Variants in TRPC4AP observed in about 807,000 individuals in gnomAD.
TRPC4AP encodes the protein transient receptor potential cation channel subfamily C member 4 associated protein.
TRPC4AP carries 45 observed loss-of-function variants against 99.0 expected under a neutral mutation model. The ratio of observed to expected loss-of-function variants is 0.45; its 90% confidence interval spans 0.36 to 0.58. The LOEUF (loss-of-function observed/expected upper bound fraction) is 0.58. Ranked by LOEUF, TRPC4AP falls within the 20% of genes least tolerant of loss-of-function variation. The probability of loss-of-function intolerance (pLI) is 0.00; values close to 1 mark genes in which losing one functional copy is unlikely to be tolerated. For missense variants in TRPC4AP, 879 were observed against 985.3 expected (o/e 0.89, Z 1.44); for synonymous variants, 408 against 385.8 (o/e 1.06, Z -0.67).
intron 10 of TRPC4AP, among the ~76,000 whole-genome samples, chr20:35,014,750 C>T (rs888768394): frequency 1.2e-4 from 19 of 152,164 alleles, no homozygotes; most frequent in Admixed American, 8.5e-4. Flanking sequence ...GGCACCAGGC[C>T]GATGGCTGGG....
At chr20:35,050,538 AAC>A (rs936593410) in intron 5 of TRPC4AP, among the ~76,000 whole-genome samples, 11 of 151,780 alleles carry the variant, frequency 7.2e-5, no homozygotes, top group African/African-American at 2.7e-4. Context: ...AACGTGCCAA[AAC>A]CCTGTCTACT....
chr20:35,027,934 TTTA>T (rs1446306803), intron 8 of TRPC4AP, among the ~76,000 whole-genome samples: 1 of 152,202 alleles, frequency 6.6e-6, no homozygotes, highest in Non-Finnish European at 1.5e-5. Flanking sequence ...TGTTGATCTT[TTTA>T]AAGATTACCT....
At chr20:35,070,317 T>A (rs2084273336) in intron 2 of TRPC4AP, among the ~76,000 whole-genome samples, 1 of 152,028 alleles carries the variant, frequency 6.6e-6, no homozygotes. Context: ...CTTCTTGATT[T>A]CCCCCAACCA....
intron 6 of TRPC4AP, among the ~76,000 whole-genome samples, chr20:35,045,795 C>T (rs754814225): frequency 6.6e-6 from 1 of 152,074 alleles, no homozygotes; most frequent in East Asian, 1.9e-4. Context: ...CCACCTTGGC[C>T]TCCCAAAGTG....
chr20:35,014,305 T>C (rs2082701775), intron 10 of TRPC4AP, among the ~76,000 whole-genome samples: 2 of 141,820 alleles, frequency 1.4e-5, no homozygotes. Context: ...CTAGAGGGCC[T>C]CAGGCAGAAT....
chr20:35,077,883 T>C (rs965320494), intron 2 of TRPC4AP, among the ~76,000 whole-genome samples, 163 bp downstream of exon 2: 1 of 152,146 alleles, frequency 6.6e-6, no homozygotes, highest in Non-Finnish European at 1.5e-5. Context: ...AGGTGATGTA[T>C]ATTTTCTTCT....
Position 35,044,483 on chromosome 20 carries a change from T to C in TRPC4AP, c.865+22A>G, listed in dbSNP as rs17092225. 13,302 of 1,605,954 alleles carry C rather than the reference T, an allele frequency of 8.3e-3. 918 individuals carry two copies. In the African/African-American group the frequency reaches 0.16, roughly 19 times the overall value. ...GGCCTCAGAGCTATAATCTCAAAAT[T>C]CTGAGAACTTGGAGACTTTACCTTG... On this transcript the variant is annotated intron_variant, in intron 7 of 18. Coordinates refer to ENST00000252015, the MANE Select transcript of TRPC4AP (RefSeq NM_015638.3).
intron 1 of TRPC4AP, among the ~76,000 whole-genome samples, chr20:35,082,288 T>C (rs2084667818): frequency 6.6e-6 from 1 of 152,132 alleles, no homozygotes; most frequent in Non-Finnish European, 1.5e-5. Context: ...GAGCAGTATA[T>C]CTAGTAAATG....
At chr20:35,037,188 G>A (rs1332424401) in intron 7 of TRPC4AP, among the ~76,000 whole-genome samples, 1 of 151,134 alleles carries the variant, frequency 6.6e-6, no homozygotes, top group African/African-American at 2.4e-5. Flanking sequence ...CTACTAAGAA[G>A]TACAAAAAAT....
intron 8 of TRPC4AP, among the ~76,000 whole-genome samples, chr20:35,022,558 G>A (rs2082917180): frequency 6.6e-6 from 1 of 152,158 alleles, no homozygotes; most frequent in East Asian, 1.9e-4. Context: ...AAGGTGAACA[G>A]ATGAATCAGT....
chr20:35,053,286 G>A (rs2083747305), intron 5 of TRPC4AP, among the ~76,000 whole-genome samples: 2 of 151,948 alleles, frequency 1.3e-5, no homozygotes, highest in South Asian at 4.1e-4. Context: ...CTAACACTAG[G>A]TCTTATTTAT....
At chr20:35,021,155 C>T in intron 9 of TRPC4AP, 35 bp downstream of exon 9, 1 of 1,596,738 alleles carries the variant, frequency 6.3e-7, no homozygotes, top group Non-Finnish European at 8.6e-7. Flanking sequence ...GCAGCACCTG[C>T]TCCCCGTGTC....
At chr20:35,007,738 T>A in intron 13 of TRPC4AP, 98 bp from the exon 14 acceptor site, 2 of 1,220,360 alleles carry the variant, frequency 1.6e-6, no homozygotes, top group Non-Finnish European at 2.4e-6. Flanking sequence ...CCTTTTCATG[T>A]ACTCAACATT....
rs181745601 is a variant in TRPC4AP, at chr20:35,038,968, G to A, written c.866-3660C>T. On this transcript the variant is annotated intron_variant, in intron 7 of 18. Coordinates refer to ENST00000252015, the MANE Select transcript of TRPC4AP (RefSeq NM_015638.3). ...GCATGCCTGTAGTCCCAGCTACTTCGCAGACTGAGGCACGAGAATCGCTTG... is the reference window on the plus strand; with the variant it reads ...GCATGCCTGTAGTCCCAGCTACTTCACAGACTGAGGCACGAGAATCGCTTG... 1.2e-4 allele frequency among the ~76,000 whole-genome samples: 18 copies of A among 152,298 alleles called. 1 individual carries two copies. The South Asian group carries it at 2.5e-3, about 21-fold the overall frequency.
chr20:35,008,749 T>C lies in TRPC4AP; in HGVS notation c.1512-2A>G. 1 of 1,613,110 alleles carries C rather than the reference T, an allele frequency of 6.2e-7. No individual in the cohort carries two copies. Among genetic ancestry groups the C allele is most frequent in the Non-Finnish European group, 8.5e-7 (1 of 1,179,498 alleles). ...CTCTTCCCATCACACACCAAACTCC[T>C]GAAATAGAAGAGAGATATTGGTGAC... On this transcript the variant is annotated splice_acceptor_variant, in intron 12 of 18. Transcript: ENST00000252015. LOFTEE classifies it high-confidence loss of function.
At chr20:35,010,480 T>C (rs1335067592) in intron 11 of TRPC4AP, among the ~76,000 whole-genome samples, 192 bp from the exon 12 acceptor site, 1 of 152,014 alleles carries the variant, frequency 6.6e-6, no homozygotes, top group East Asian at 1.9e-4. Flanking sequence ...GGCAGTGGAA[T>C]CTCTCCCTGG....
rs1462919138 is a variant in TRPC4AP, at chr20:35,034,053, G to A, written c.1051+1070C>T. 8.0e-5 allele frequency among the ~76,000 whole-genome samples: 4 copies of A among 50,090 alleles called. 2 individuals are homozygous for A. The highest frequency in any genetic ancestry group is 1.6e-4 in the Non-Finnish European group (4 of 25,232). The allele number at this position is 50,090 out of a possible 152,430, so 32.9% of individuals were successfully genotyped here. A position where few individuals can be genotyped will look rare whatever the true frequency, so the allele number is the denominator to read the frequency against. Reference sequence around the variant, plus strand: ...CCAGCTACTCGGGAGGCTGAGGCAGGAGAATGGCGTGAACCCGGGAAGCGG... The same window carrying A: ...CCAGCTACTCGGGAGGCTGAGGCAGAAGAATGGCGTGAACCCGGGAAGCGG... On this transcript the variant is annotated intron_variant, in intron 8 of 18. Transcript: ENST00000252015.
chr20:35,072,128 G>A (rs529464019), intron 2 of TRPC4AP, among the ~76,000 whole-genome samples: 28 of 152,094 alleles, frequency 1.8e-4, no homozygotes, highest in Non-Finnish European at 1.2e-4. Flanking sequence ...TTTTTGATGG[G>A]GCTGTTTGCT....
At chr20:35,020,400 C>T (rs1425087787) in intron 9 of TRPC4AP, among the ~76,000 whole-genome samples, 1 of 152,152 alleles carries the variant, frequency 6.6e-6, no homozygotes. Flanking sequence ...CAGGCTGTCC[C>T]GCGCTGCCTC....
Sources: allele counts gnomAD v4.1 joint callset (sites outside exome capture counted in the v4.1 genomes callset), GRCh38; gene constraint gnomAD v4.1.1; transcripts MANE v1.5; gene names NCBI Gene and HGNC (gene_info 2026-07-23, HGNC 2026-07-21).